HPSE2: variants seen among roughly 807,000 people sequenced by gnomAD.
HPSE2 encodes the protein inactive heparanase-2.
A neutral mutation model predicts 60.5 loss-of-function variants in HPSE2; 38 were observed. The observed-to-expected ratio is 0.63, with a 90% confidence interval of 0.48 to 0.82. The LOEUF (loss-of-function observed/expected upper bound fraction) is 0.82, where lower values mean the gene tolerates loss of function less well. Ranked by LOEUF, HPSE2 falls within the 40% of genes least tolerant of loss-of-function variation. The probability of loss-of-function intolerance (pLI) is 0.00; values close to 1 mark genes in which losing one functional copy is unlikely to be tolerated. For missense variants in HPSE2, 713 were observed against 740.4 expected (o/e 0.96, Z 0.43); for synonymous variants, 295 against 293.2 (o/e 1.01, Z -0.06).
intron 2 of HPSE2, among the ~76,000 whole-genome samples, chr10:99,161,444 G>T (rs948586520): frequency 6.6e-6 from 1 of 152,082 alleles, no homozygotes; most frequent in African/African-American, 2.4e-5. Context: ...TCTGGTGAAA[G>T]AAGCCAGACA....
chr10:99,301,442 G>A, the HPSE2 span, among the ~76,000 whole-genome samples: 14 of 152,208 alleles, frequency 9.2e-5, no homozygotes, highest in African/African-American at 3.4e-4. Context: ...TTGGGGGTAT[G>A]TGCTTACTCC....
chr10:98,795,467 G>C (rs1415463367), intron 3 of HPSE2, among the ~76,000 whole-genome samples: 1 of 152,226 alleles, frequency 6.6e-6, no homozygotes, highest in African/African-American at 2.4e-5. Flanking sequence ...TGTGCATGGA[G>C]GGAGCATTTG....
chr10:99,063,846 A>C (rs1215622998), intron 3 of HPSE2, among the ~76,000 whole-genome samples: 1 of 152,214 alleles, frequency 6.6e-6, no homozygotes, highest in Admixed American at 6.5e-5. Context: ...TAATCCCAGC[A>C]CTTTGGGAGA....
intron 9 of HPSE2, among the ~76,000 whole-genome samples, chr10:98,542,468 G>A (rs1161188529): frequency 6.6e-6 from 1 of 152,124 alleles, no homozygotes; most frequent in East Asian, 1.9e-4. Context: ...ATGGAACAAA[G>A]CTGGATGGAG....
intron 1 of HPSE2, among the ~76,000 whole-genome samples, chr10:99,233,794 G>C (rs1849747972): frequency 6.6e-6 from 1 of 152,160 alleles, no homozygotes; most frequent in African/African-American, 2.4e-5. Flanking sequence ...GCACAGTCAG[G>C]GCGTCGCGTG....
chr10:99,206,462 A>G (rs1186122257), intron 2 of HPSE2, among the ~76,000 whole-genome samples: 1 of 151,612 alleles, frequency 6.6e-6, no homozygotes, highest in Non-Finnish European at 1.5e-5. Flanking sequence ...GGGTGGTGGC[A>G]TGCGCTATGG....
intron 3 of HPSE2, among the ~76,000 whole-genome samples, chr10:98,888,575 T>C (rs1953240208): frequency 6.6e-6 from 1 of 152,176 alleles, no homozygotes; most frequent in Non-Finnish European, 1.5e-5. Context: ...TTCTCATCTG[T>C]AAACCTCTGT....
intron 3 of HPSE2, among the ~76,000 whole-genome samples, chr10:98,756,715 C>G (rs1949886892): frequency 6.6e-6 from 1 of 152,028 alleles, no homozygotes; most frequent in African/African-American, 2.4e-5. Flanking sequence ...AGCCCTGGAC[C>G]AGAAGGATTT....
chr10:99,101,202 T>A (rs1003140796), intron 3 of HPSE2, among the ~76,000 whole-genome samples: 14 of 152,226 alleles, frequency 9.2e-5, no homozygotes, highest in Admixed American at 3.9e-4. Context: ...GCAAACTGTA[T>A]AAAGAGTCAA....
the HPSE2 span, among the ~76,000 whole-genome samples, chr10:99,242,832 G>A: frequency 6.6e-6 from 1 of 152,136 alleles, no homozygotes; most frequent in African/African-American, 2.4e-5. Flanking sequence ...AATGTGTTGT[G>A]AGAATTAAAT....
intron 3 of HPSE2, among the ~76,000 whole-genome samples, chr10:98,971,128 T>G (rs897691321): frequency 4.6e-5 from 7 of 152,200 alleles, no homozygotes; most frequent in African/African-American, 1.7e-4. Flanking sequence ...TATTCATCCA[T>G]CCATTCATTT....
In HPSE2 at chr10:98,514,637, C is replaced by T. The variant is rs114537839; in HGVS notation, c.1321-24441G>A. ...TGTAGTGACCACTGCTGGTTTTCTT[C>T]TTTAATATCCTCCTTCTGGTCACAG... is the stretch of plus-strand genomic sequence containing the variant. On this transcript the variant is annotated intron_variant, in intron 9 of 11. Coordinates refer to ENST00000370552, the MANE Select transcript of HPSE2 (RefSeq NM_021828.5). Among the ~76,000 whole-genome samples, 1,042 of 145,116 alleles carry T rather than the reference C, an allele frequency of 7.2e-3. 15 individuals are homozygous for T. The highest frequency in any genetic ancestry group is 0.025 in the African/African-American group (988 of 38,754).
intron 4 of HPSE2, among the ~76,000 whole-genome samples, chr10:98,734,858 G>A (rs77924209): frequency 4.0e-5 from 6 of 148,528 alleles, no homozygotes; most frequent in Non-Finnish European, 5.9e-5. Flanking sequence ...TGAGTAGACA[G>A]TACAAAGAGT....
chr10:99,310,783 C>A, the HPSE2 span, among the ~76,000 whole-genome samples: 12 of 152,208 alleles, frequency 7.9e-5, no homozygotes, highest in Middle Eastern at 3.4e-3. Flanking sequence ...CGAGCCACCA[C>A]GCCCAGCTAA....
At chr10:99,087,989 T>C (rs560087916) in intron 3 of HPSE2, among the ~76,000 whole-genome samples, 12 of 151,602 alleles carry the variant, frequency 7.9e-5, no homozygotes, top group African/African-American at 2.9e-4. Context: ...TCTAAACATA[T>C]TTGCCTACTA....
At chr10:99,102,932 AC>A (rs1250560481) in intron 3 of HPSE2, among the ~76,000 whole-genome samples, 1 of 152,194 alleles carries the variant, frequency 6.6e-6, no homozygotes, top group Admixed American at 6.5e-5. Flanking sequence ...AAATTCAACA[AC>A]CCTTCATGCT....
At chr10:98,907,258 T>C in intron 3 of HPSE2, among the ~76,000 whole-genome samples, 1 of 152,156 alleles carries the variant, frequency 6.6e-6, no homozygotes, top group South Asian at 2.1e-4. Context: ...GGGCCTCTGT[T>C]GCTATCCGTG....
At chr10:99,198,756 G>A (rs969123582) in intron 2 of HPSE2, among the ~76,000 whole-genome samples, 2 of 152,048 alleles carry the variant, frequency 1.3e-5, no homozygotes, top group African/African-American at 4.8e-5. Flanking sequence ...TGTTAACTAA[G>A]GTCACAAAAT....
intron 3 of HPSE2, among the ~76,000 whole-genome samples, chr10:98,919,881 G>A (rs963732981): frequency 1.3e-5 from 2 of 152,146 alleles, no homozygotes; most frequent in Non-Finnish European, 2.9e-5. Flanking sequence ...CACTGAAATG[G>A]AAAGTCACTT....
Sources: allele counts gnomAD v4.1 joint callset (sites outside exome capture counted in the v4.1 genomes callset), GRCh38; gene constraint gnomAD v4.1.1; transcripts MANE v1.5; gene names NCBI Gene and HGNC (gene_info 2026-07-23, HGNC 2026-07-21).